Variants in MYEF2 observed in about 807,000 individuals in gnomAD.
MYEF2 encodes the protein myelin gene expression factor 2.
A neutral mutation model predicts 75.2 loss-of-function variants in MYEF2; 37 were observed. That is an observed-to-expected ratio of 0.49 (90% confidence interval 0.38 to 0.65). MYEF2 has a LOEUF of 0.65. Ranked by LOEUF, MYEF2 falls within the 30% of genes least tolerant of loss-of-function variation. The pLI is 0.00. For synonymous variants in MYEF2, 195 were observed against 241.6 expected (o/e 0.81, Z 1.79); for missense variants, 634 against 771.4 (o/e 0.82, Z 2.11).
chr15:48,136,013 G>T lies in MYEF2; in HGVS notation c.*6895C>A, dbSNP rs2038889508. Reference sequence around the variant, plus strand: ...GATTCACTGGCTATAAAAGGTAAATGCAAGGTTCAAATGTGATGGCATTAG... The same window carrying T: ...GATTCACTGGCTATAAAAGGTAAATTCAAGGTTCAAATGTGATGGCATTAG... On this transcript the variant is annotated 3_prime_UTR_variant, in exon 17 of 17. Coordinates refer to ENST00000324324, the MANE Select transcript of MYEF2 (RefSeq NM_016132.5). 1 of 152,140 alleles carries T rather than the reference G, an allele frequency of 6.6e-6. No individual in the cohort carries two copies. The highest frequency in any genetic ancestry group is 2.1e-4 in the South Asian group (1 of 4,830). The allele number at this position is 152,140 out of a possible 1,614,324, so 9.4% of individuals were successfully genotyped here. A position where few individuals can be genotyped will look rare whatever the true frequency, so the allele number is the denominator to read the frequency against.
At position 48,134,947 on chromosome 15, in the gene MYEF2, G is replaced by A; in HGVS notation, c.*7961C>T. The A allele has an allele frequency of 1.2e-6, 2 of 1,612,334 alleles. No homozygotes were observed. The highest frequency in any genetic ancestry group is 1.7e-6 in the Non-Finnish European group (2 of 1,178,784). On this transcript the variant is annotated 3_prime_UTR_variant, in exon 17 of 17. Transcript: ENST00000324324. ...TGCAGCGTACACAATTAGTGCAGCA[G>A]CAGTTCTTGGTATAATATATGACAA... is the stretch of plus-strand genomic sequence containing the variant.
chr15:48,170,527 T>C (rs1009691237), intron 1 of MYEF2, among the ~76,000 whole-genome samples: 1 of 152,218 alleles, frequency 6.6e-6, no homozygotes, highest in Non-Finnish European at 1.5e-5. Context: ...ACTAATAATA[T>C]CACTGTGGAT....
intron 1 of MYEF2, among the ~76,000 whole-genome samples, chr15:48,176,106 A>G (rs1408891446): frequency 3.3e-5 from 5 of 151,652 alleles, no homozygotes; most frequent in Non-Finnish European, 7.4e-5. Flanking sequence ...TTGGGGCAAT[A>G]TTATGGTAAT....
chr15:48,156,846 CA>C (rs2039716822), intron 9 of MYEF2, among the ~76,000 whole-genome samples: 1 of 151,156 alleles, frequency 6.6e-6, no homozygotes, highest in Non-Finnish European at 1.5e-5. Context: ...TCCAACAAAA[CA>C]ATTCCCTATG....
At chr15:48,166,175 T>G in intron 3 of MYEF2, 47 bp from the exon 4 acceptor site, 2 of 1,456,142 alleles carry the variant, frequency 1.4e-6, no homozygotes, top group South Asian at 2.4e-5. Context: ...AAAAAAGTTT[T>G]AGATCAGTAC....
At chr15:48,163,568 C>G (rs373555986) in intron 5 of MYEF2, among the ~76,000 whole-genome samples, 4 of 152,138 alleles carry the variant, frequency 2.6e-5, no homozygotes, top group African/African-American at 9.7e-5. Flanking sequence ...CTACACTAAA[C>G]AATAGATTTT....
At position 48,143,097 on chromosome 15, in the gene MYEF2, C is replaced by G. The variant is rs2039143650; in HGVS notation, c.1640-26G>C. ...CTGTAAAATAAAAGTTACAGAATTA[C>G]TAGTCAGTTTAAATAAGTTCTATTT... On this transcript the variant is annotated intron_variant, in intron 16 of 16. Transcript: ENST00000324324. The G allele has an allele frequency of 2.7e-6, 4 of 1,469,198 alleles. No individual in the cohort carries two copies. The African/African-American group carries it at 5.8e-5, about 21-fold the overall frequency. The allele number at this position is 1,469,198 out of a possible 1,614,324, so 91.0% of individuals were successfully genotyped here. A position where few individuals can be genotyped will look rare whatever the true frequency, so the allele number is the denominator to read the frequency against.
chr15:48,164,712 C>T (rs897344320), intron 5 of MYEF2, among the ~76,000 whole-genome samples: 2 of 152,130 alleles, frequency 1.3e-5, no homozygotes, highest in African/African-American at 2.4e-5. Flanking sequence ...AACCATCACC[C>T]TGATCAGTCA....
rs759759732 is a variant in MYEF2, at chr15:48,149,524, T to C, written c.1379-153A>G. On this transcript the variant is annotated intron_variant, in intron 14 of 16. Transcript: ENST00000324324. The surrounding 1 kb of genome is among the most constrained non-coding windows in gnomAD (Gnocchi z 4.0). ...AATTTGTTTATATAATTAAATAATA[T>C]AAAAACATAAAATTATTTTCATACA... 5 of 478,046 alleles carry C rather than the reference T, an allele frequency of 1.0e-5. No homozygotes were observed. Among genetic ancestry groups the C allele is most frequent in the Non-Finnish European group, 1.4e-5 (4 of 282,544 alleles). 29.6% of individuals were successfully genotyped at this position (478,046 alleles called of 1,614,324 possible). A position where few individuals can be genotyped will look rare whatever the true frequency, so the allele number is the denominator to read the frequency against.
In MYEF2 at chr15:48,143,135, T is replaced by A. The variant is rs887772378; in HGVS notation, c.1640-64A>T. The A allele has an allele frequency of 3.5e-6, 4 of 1,134,400 alleles. No homozygotes were observed. The East Asian group carries it at 1.1e-4, about 33-fold the overall frequency. The allele number at this position is 1,134,400 out of a possible 1,614,324, so 70.3% of individuals were successfully genotyped here. Reference sequence around the variant, plus strand: ...ATAAGTTCTATTTCACTTTATAGGTTTGAAATTCCTCATAGCCAATTGTGA... The same window carrying A: ...ATAAGTTCTATTTCACTTTATAGGTATGAAATTCCTCATAGCCAATTGTGA... On this transcript the variant is annotated intron_variant, in intron 16 of 16. Transcript: ENST00000324324.
rs185807199 is a variant in MYEF2 at position 48,176,059 on chromosome 15, C to T, written c.161+2018G>A. On this transcript the variant is annotated intron_variant, in intron 1 of 16. Transcript: ENST00000324324. ...GCAAATATTATTTCAATCCTGATGA[C>T]AAGCAGTACTCTGTTCAATTCCAAC... 1.6e-3 allele frequency among the ~76,000 whole-genome samples: 251 copies of T among 152,128 alleles called. 2 individuals are homozygous for T. Among genetic ancestry groups the T allele is most frequent in the African/African-American group, 5.9e-3 (244 of 41,500 alleles).
intron 5 of MYEF2, among the ~76,000 whole-genome samples, chr15:48,161,721 T>C (rs999525751): frequency 6.6e-6 from 1 of 150,488 alleles, no homozygotes; most frequent in African/African-American, 2.4e-5. Context: ...TCCAATAAAC[T>C]TTTTTTTCCA....
In MYEF2 at chr15:48,141,372, T is replaced by A. The variant is rs1597275915; in HGVS notation, c.*1536A>T. 6 of 504,870 alleles carry A rather than the reference T, an allele frequency of 1.2e-5. No homozygotes were observed. Among genetic ancestry groups the A allele is most frequent in the Non-Finnish European group, 2.2e-5 (6 of 278,812 alleles). The allele number at this position is 504,870 out of a possible 1,614,324, so 31.3% of individuals were successfully genotyped here. A position where few individuals can be genotyped will look rare whatever the true frequency, so the allele number is the denominator to read the frequency against. On this transcript the variant is annotated 3_prime_UTR_variant, in exon 17 of 17. Coordinates refer to ENST00000324324, the MANE Select transcript of MYEF2 (RefSeq NM_016132.5). ...GGCGGGTGGATCACGAGGTCAGGAGTTTGAGACCAGCCTGACCAACATGGT... is the reference window on the plus strand; with the variant it reads ...GGCGGGTGGATCACGAGGTCAGGAGATTGAGACCAGCCTGACCAACATGGT...
In MYEF2 at chr15:48,178,066, A is replaced by G; in HGVS notation, c.161+11T>C. The G allele has an allele frequency of 6.3e-7, 1 of 1,594,234 alleles. No individual in the cohort carries two copies. The highest frequency in any genetic ancestry group is 8.5e-7 in the Non-Finnish European group (1 of 1,170,714). On this transcript the variant is annotated intron_variant, in intron 1 of 16. Coordinates refer to ENST00000324324, the MANE Select transcript of MYEF2 (RefSeq NM_016132.5). ...CCACCTCGCCCCGGTTCCCGGAGGAAAAGACAATACATTTTAACGCCATTG... is the reference window on the plus strand; with the variant it reads ...CCACCTCGCCCCGGTTCCCGGAGGAGAAGACAATACATTTTAACGCCATTG...
chr15:48,174,062 A>G (rs1168340327), intron 1 of MYEF2, among the ~76,000 whole-genome samples: 1 of 152,106 alleles, frequency 6.6e-6, no homozygotes, highest in Non-Finnish European at 1.5e-5. Flanking sequence ...GAAAAAACTA[A>G]AAGTACCACA....
In MYEF2 at chr15:48,134,889, A is replaced by C; in HGVS notation, c.*8019T>G. On this transcript the variant is annotated 3_prime_UTR_variant, in exon 17 of 17. Transcript: ENST00000324324. Reference sequence around the variant, plus strand: ...AATAACTTACCATATTACAGGTCTCAACACTATCATGTTGGCCCCTATTCA... The same window carrying C: ...AATAACTTACCATATTACAGGTCTCCACACTATCATGTTGGCCCCTATTCA... 6.2e-7 allele frequency: 1 copy of C among 1,609,318 alleles called. No individual in the cohort carries two copies. Among genetic ancestry groups the C allele is most frequent in the Non-Finnish European group, 8.5e-7 (1 of 1,177,020 alleles).
rs1188951497 is a variant in MYEF2 at position 48,141,731 on chromosome 15, G to A, written c.*1177C>T. The A allele has an allele frequency of 1.0e-5, 2 of 200,374 alleles. No homozygotes were observed. Among genetic ancestry groups the A allele is most frequent in the South Asian group, 1.6e-4 (1 of 6,368 alleles). 12.4% of individuals were successfully genotyped at this position (200,374 alleles called of 1,614,324 possible). A position where few individuals can be genotyped will look rare whatever the true frequency, so the allele number is the denominator to read the frequency against. On this transcript the variant is annotated 3_prime_UTR_variant, in exon 17 of 17. Transcript: ENST00000324324. Reference sequence around the variant, plus strand: ...CCCCCAAATAATATTCATTTGAAATGTGTGTTAAATAGTAATTAACCATTA... The same window carrying A: ...CCCCCAAATAATATTCATTTGAAATATGTGTTAAATAGTAATTAACCATTA...
intron 1 of MYEF2, among the ~76,000 whole-genome samples, chr15:48,175,490 C>T (rs1023034684): frequency 2.6e-5 from 4 of 152,042 alleles, no homozygotes; most frequent in Non-Finnish European, 5.9e-5. Flanking sequence ...GGTAGCTATG[C>T]GAGGTAACAG....
Position 48,168,787 on chromosome 15 carries a change from T to C in MYEF2, c.214A>G (p.Thr72Ala), listed in dbSNP as rs753922483. The change falls in exon 2 of 17, where the codon ACA becomes GCA. Residue 72 changes from threonine to alanine, a missense_variant. Coordinates refer to ENST00000324324, the MANE Select transcript of MYEF2 (RefSeq NM_016132.5). ...EEKSDLKEKS[T>A]GSKKANRFHP... Reference sequence around the variant, plus strand: ...AATCTATTGGCCTTCTTACTTCCTGTAGATTTTTCCTTTAAGTCAGATTTC... The same window carrying C: ...AATCTATTGGCCTTCTTACTTCCTGCAGATTTTTCCTTTAAGTCAGATTTC... 3.1e-6 allele frequency: 5 copies of C among 1,613,804 alleles called. No individual in the cohort carries two copies. Among genetic ancestry groups the C allele is most frequent in the African/African-American group, 1.3e-5 (1 of 75,052 alleles).
Sources: gnomAD v4.1 joint callset for allele counts (sites outside exome capture counted in the v4.1 genomes callset) on GRCh38, gnomAD v4.1.1 for gene constraint, Gnocchi (gnomAD v3.1) non-coding constraint, MANE v1.5 for transcripts, NCBI Gene and HGNC (gene_info 2026-07-23, HGNC 2026-07-21) for gene names.